CSMD3: variants seen among roughly 807,000 people sequenced by gnomAD.
The protein encoded by CSMD3 is CUB and sushi domain-containing protein 3.
A neutral mutation model predicts 435.2 loss-of-function variants in CSMD3; 177 were observed. That is an observed-to-expected ratio of 0.41 (90% CI 0.36 to 0.46). The LOEUF (loss-of-function observed/expected upper bound fraction) is 0.46, where lower values mean the gene tolerates loss of function less well. Ranked by LOEUF, CSMD3 falls within the 20% of genes least tolerant of loss-of-function variation. The pLI is 0.34. For missense variants in CSMD3, 4,265 were observed against 4,504.6 expected, an observed-to-expected ratio of 0.95 and a Z score of 1.52; for synonymous variants, 1,656 against 1,520.5, an observed-to-expected ratio of 1.09 and a Z score of -2.07.
chr8:113,216,730 G>A (rs1171917345), intron 3 of CSMD3, among the ~76,000 whole-genome samples: 1 of 151,878 alleles, frequency 6.6e-6, no homozygotes. Context: ...TATGGAGATG[G>A]TGCCCATGCA....
chr8:113,427,457 G>A (rs1054216044), intron 1 of CSMD3, among the ~76,000 whole-genome samples: 1 of 149,140 alleles, frequency 6.7e-6, no homozygotes, highest in Non-Finnish European at 1.5e-5. Flanking sequence ...TCCATTCAAT[G>A]AGCTTTACTC....
At chr8:112,788,354 C>G (rs1035212148) in intron 13 of CSMD3, among the ~76,000 whole-genome samples, 1 of 151,970 alleles carries the variant, frequency 6.6e-6, no homozygotes, top group Non-Finnish European at 1.5e-5. Context: ...TCCTAAAACA[C>G]CTCTCTCTCC....
chr8:113,064,041 C>T (rs1434759037), intron 5 of CSMD3, among the ~76,000 whole-genome samples: 1 of 151,200 alleles, frequency 6.6e-6, no homozygotes, highest in African/African-American at 2.4e-5. Context: ...TTAAAGGACT[C>T]GCCTAAAATT....
At chr8:112,804,541 G>T (rs1247865124) in intron 12 of CSMD3, among the ~76,000 whole-genome samples, 2 of 152,122 alleles carry the variant, frequency 1.3e-5, no homozygotes, top group Non-Finnish European at 2.9e-5. Context: ...AGCCCAGAAG[G>T]CTGGGAAATA....
intron 1 of CSMD3, among the ~76,000 whole-genome samples, chr8:113,427,220 C>T (rs1010149187): frequency 1.3e-5 from 2 of 151,176 alleles, no homozygotes; most frequent in Non-Finnish European, 3.0e-5. Flanking sequence ...AAATGTAATG[C>T]TAAATTTGAG....
chr8:112,393,702 T>G (rs920717392), intron 35 of CSMD3, among the ~76,000 whole-genome samples: 3 of 152,180 alleles, frequency 2.0e-5, no homozygotes, highest in African/African-American at 7.2e-5. Flanking sequence ...TCTGGTGAAA[T>G]AACCATGTCA....
In CSMD3 at chr8:112,326,840, G is replaced by A. The variant is rs72674705; in HGVS notation, c.7166-6859C>T. On this transcript the variant is annotated intron_variant, in intron 45 of 70. Transcript: ENST00000297405. ...AACCAGCTAGCCACCTGCAGAGACA[G>A]GTGAAACCCTGCCTCTACTAAAAAT... 2.3e-3 allele frequency among the ~76,000 whole-genome samples: 357 copies of A among 152,150 alleles called. 1 individual carries two copies. The highest frequency in any genetic ancestry group is 4.0e-3 in the Non-Finnish European group (269 of 68,002).
intron 30 of CSMD3, among the ~76,000 whole-genome samples, chr8:112,499,296 G>T (rs751666476): frequency 7.9e-5 from 12 of 152,074 alleles, no homozygotes; most frequent in Non-Finnish European, 1.2e-4. Flanking sequence ...GCACCTGAAA[G>T]CAGGCTTTCA....
chr8:113,307,598 T>C (rs2093831471), intron 2 of CSMD3, among the ~76,000 whole-genome samples: 1 of 152,102 alleles, frequency 6.6e-6, no homozygotes, highest in African/African-American at 2.4e-5. Context: ...AAGTAACAGA[T>C]TGGAAGAAAA....
intron 3 of CSMD3, among the ~76,000 whole-genome samples, chr8:113,273,009 T>G (rs186350774): frequency 2.0e-5 from 3 of 152,006 alleles, no homozygotes; most frequent in Admixed American, 6.6e-5. Flanking sequence ...TGAAGTGAAT[T>G]TGCAATGTTT....
chr8:112,503,461 A>G (rs1476004512), intron 30 of CSMD3, among the ~76,000 whole-genome samples: 2 of 152,154 alleles, frequency 1.3e-5, no homozygotes, highest in Non-Finnish European at 2.9e-5. Context: ...AAGGTATTTG[A>G]CTGAAACTTC....
chr8:112,407,603 A>G (rs995812280), intron 34 of CSMD3, among the ~76,000 whole-genome samples: 3 of 152,058 alleles, frequency 2.0e-5, no homozygotes, highest in African/African-American at 7.2e-5. Flanking sequence ...TTAACATAAA[A>G]GAGTACAGGA....
At chr8:113,397,690 C>A (rs1006496772) in intron 1 of CSMD3, among the ~76,000 whole-genome samples, 5 of 151,870 alleles carry the variant, frequency 3.3e-5, no homozygotes, top group East Asian at 1.9e-4. Flanking sequence ...TCGTGGCGGG[C>A]TCCTGTAGTC....
intron 8 of CSMD3, among the ~76,000 whole-genome samples, chr8:112,948,329 C>T (rs1318335702): frequency 6.6e-6 from 1 of 151,928 alleles, no homozygotes; most frequent in Non-Finnish European, 1.5e-5. Flanking sequence ...AAAGTTCTAA[C>T]ACTTCTTATC....
Position 113,288,628 on chromosome 8 carries a change from A to C in CSMD3, c.402-9924T>G, listed in dbSNP as rs551074638. Among the ~76,000 whole-genome samples the C allele has an allele frequency of 2.0e-5, 3 of 152,012 alleles. No homozygotes were observed. In the South Asian group the frequency reaches 6.2e-4, roughly 32 times the overall value. ...TACAGGAAAATTATGTAGAGCAATT[A>C]ATCAATTTAAATATATTTTACAGTT... On this transcript the variant is annotated intron_variant, in intron 2 of 70. Coordinates refer to ENST00000297405, the MANE Select transcript of CSMD3 (RefSeq NM_198123.2).
chr8:113,012,266 A>G (rs560901513), intron 6 of CSMD3, among the ~76,000 whole-genome samples: 5 of 151,946 alleles, frequency 3.3e-5, no homozygotes, highest in African/African-American at 1.2e-4. Flanking sequence ...CATAGCATAT[A>G]CTCAGTAAAA....
chr8:112,602,411 C>A (rs1346899467), intron 22 of CSMD3, among the ~76,000 whole-genome samples: 6 of 151,778 alleles, frequency 4.0e-5, no homozygotes, highest in African/African-American at 1.5e-4. Flanking sequence ...ACTAAAAACA[C>A]AAAAATTAGC....
intron 45 of CSMD3, among the ~76,000 whole-genome samples, chr8:112,333,501 A>G (rs1308986962): frequency 2.6e-5 from 4 of 152,158 alleles, no homozygotes; most frequent in Non-Finnish European, 5.9e-5. Flanking sequence ...TTCTATTTCT[A>G]TCACACATGT....
At chr8:113,220,501 CATA>C (rs1415174117) in intron 3 of CSMD3, among the ~76,000 whole-genome samples, 2 of 151,186 alleles carry the variant, frequency 1.3e-5, no homozygotes, top group Non-Finnish European at 3.0e-5. Context: ...AAGTAATAAT[CATA>C]ATAAAATTGA....
Sources: gnomAD v4.1 joint callset for allele counts (sites outside exome capture counted in the v4.1 genomes callset) on GRCh38, gnomAD v4.1.1 for gene constraint, MANE v1.5 for transcripts, NCBI Gene and HGNC (gene_info 2026-07-23, HGNC 2026-07-21) for gene names.